KLHL7: variants seen among roughly 807,000 people sequenced by gnomAD.
KLHL7 encodes kelch-like protein 7.
KLHL7 carries 44 observed loss-of-function variants against 67.4 expected under a neutral mutation model. That is an observed-to-expected ratio of 0.65 (90% CI 0.51 to 0.84). The LOEUF is 0.84. Among genes scored for constraint, KLHL7 ranks in the 40% least tolerant of loss-of-function variants. The probability of loss-of-function intolerance (pLI) is 0.00; values close to 1 mark genes in which losing one functional copy is unlikely to be tolerated. For synonymous variants in KLHL7, 252 were observed against 243.3 expected (o/e 1.04, Z -0.33); for missense variants, 362 against 718.1 (o/e 0.50, Z 5.67).
At chr7:23,165,649 A>G in intron 7 of KLHL7, 49 bp from the exon 8 acceptor site, 4 of 1,602,358 alleles carry the variant, frequency 2.5e-6, no homozygotes, top group South Asian at 2.2e-5. Flanking sequence ...TGTCCTTTTC[A>G]GTTATATTTT....
chr7:23,156,561 C>G (rs1347738151), intron 7 of KLHL7, among the ~76,000 whole-genome samples: 3 of 152,172 alleles, frequency 2.0e-5, no homozygotes, highest in Non-Finnish European at 4.4e-5. Flanking sequence ...TGAGCTGGGG[C>G]TTTGTAAGGA....
chr7:23,169,451 T>C (rs1785093033), intron 9 of KLHL7, among the ~76,000 whole-genome samples: 1 of 152,110 alleles, frequency 6.6e-6, no homozygotes, highest in African/African-American at 2.4e-5. Context: ...CCAACTTTGC[T>C]CCCTTTTATG....
chr7:23,147,233 G>A (rs948754380), intron 6 of KLHL7, among the ~76,000 whole-genome samples: 1 of 151,922 alleles, frequency 6.6e-6, no homozygotes, highest in African/African-American at 2.4e-5. Flanking sequence ...GGGATTATGG[G>A]CGTGCGCCAC....
Position 23,148,578 on chromosome 7 carries a change from A to AT in KLHL7, c.794-3485dup, listed in dbSNP as rs201371123. Among the ~76,000 whole-genome samples, 1,370 of 152,246 alleles carry AT rather than the reference A, an allele frequency of 9.0e-3. 20 individuals carry two copies. The highest frequency in any genetic ancestry group is 0.031 in the African/African-American group (1,290 of 41,526). Reference sequence around the variant, plus strand: ...TTACATTAGGACTTTTGTCTCTTAGATTTTGTACATGCTAGTATCAGGTTT... The same window carrying AT: ...TTACATTAGGACTTTTGTCTCTTAGATTTTTGTACATGCTAGTATCAGGTTT... On this transcript the variant is annotated intron_variant, in intron 6 of 10. Coordinates refer to ENST00000339077, the MANE Select transcript of KLHL7 (RefSeq NM_001031710.3).
chr7:23,121,680 CTT>C (rs72158823), intron 1 of KLHL7, among the ~76,000 whole-genome samples: 31 of 134,096 alleles, frequency 2.3e-4, no homozygotes, highest in Admixed American at 3.0e-4. Flanking sequence ...CAGTCCCATC[CTT>C]TTTTTTTTTT....
intron 4 of KLHL7, among the ~76,000 whole-genome samples, chr7:23,134,894 A>C (rs1288253963): frequency 6.6e-6 from 1 of 152,128 alleles, no homozygotes; most frequent in East Asian, 1.9e-4. Flanking sequence ...TTTTCAAAAA[A>C]ACAACTTTTT....
chr7:23,128,179 T>C (rs928996897), intron 4 of KLHL7, among the ~76,000 whole-genome samples: 3 of 150,270 alleles, frequency 2.0e-5, no homozygotes, highest in Non-Finnish European at 3.0e-5. Context: ...TGTAAAAATA[T>C]GGTTTTACAG....
intron 7 of KLHL7, among the ~76,000 whole-genome samples, chr7:23,164,501 T>C (rs930465054): frequency 2.0e-5 from 3 of 152,198 alleles, no homozygotes; most frequent in African/African-American, 7.2e-5. Context: ...TTTCCCCCAG[T>C]TTTTCAAGTG....
chr7:23,128,698 A>G (rs1042884597), intron 4 of KLHL7, among the ~76,000 whole-genome samples: 1 of 151,968 alleles, frequency 6.6e-6, no homozygotes, highest in Non-Finnish European at 1.5e-5. Flanking sequence ...GTGACCCTAC[A>G]GCTAGCAGGT....
chr7:23,169,467 C>T (rs1785094029), intron 9 of KLHL7, among the ~76,000 whole-genome samples: 1 of 151,990 alleles, frequency 6.6e-6, no homozygotes, highest in South Asian at 2.1e-4. Flanking sequence ...TTATGTGAAC[C>T]TCTACCTTAC....
At position 23,174,798 on chromosome 7, in the gene KLHL7, A is replaced by G. The variant is rs1769101666; in HGVS notation, c.*500A>G. On this transcript the variant is annotated 3_prime_UTR_variant, in exon 11 of 11. Coordinates refer to ENST00000339077, the MANE Select transcript of KLHL7 (RefSeq NM_001031710.3). ...TGTCTATTTATTTTATTTAGTGCCA[A>G]ATGTATTCCATTTTAAAAGTAAGCC... 2.2e-6 allele frequency: 1 copy of G among 454,466 alleles called. No homozygotes were observed. Among genetic ancestry groups the G allele is most frequent in the African/African-American group, 2.0e-5 (1 of 50,008 alleles). 28.2% of individuals were successfully genotyped at this position (454,466 alleles called of 1,614,324 possible). A position where few individuals can be genotyped will look rare whatever the true frequency, so the allele number is the denominator to read the frequency against.
chr7:23,155,701 C>T (rs12700418), intron 7 of KLHL7, among the ~76,000 whole-genome samples: 140,289 of 151,628 alleles, frequency 0.93, 65,091 homozygotes, highest in East Asian at 0.99. Flanking sequence ...AAATTGTAAT[C>T]CTAAAAACTA....
chr7:23,166,256 T>G (rs917615107), intron 8 of KLHL7, among the ~76,000 whole-genome samples: 3 of 152,184 alleles, frequency 2.0e-5, no homozygotes, highest in African/African-American at 7.2e-5. Context: ...GATTTCAGAG[T>G]TCAACTTATA....
Position 23,177,756 on chromosome 7 carries a change from G to GA in KLHL7, c.*3465dup, listed in dbSNP as rs375718152. Reference sequence around the variant, plus strand: ...CATCTTAAAAAAATTGTTGCTATTTGAAAAAAACAAAACAAAACATATACT... The same window carrying GA: ...CATCTTAAAAAAATTGTTGCTATTTGAAAAAAAACAAAACAAAACATATACT... On this transcript the variant is annotated 3_prime_UTR_variant, in exon 11 of 11. Transcript: ENST00000339077. 2.5e-4 allele frequency: 38 copies of GA among 151,818 alleles called. No individual in the cohort carries two copies. Among genetic ancestry groups the GA allele is most frequent in the African/African-American group, 7.7e-4 (32 of 41,336 alleles). 9.4% of individuals were successfully genotyped at this position (151,818 alleles called of 1,614,324 possible). A position where few individuals can be genotyped will look rare whatever the true frequency, so the allele number is the denominator to read the frequency against.
rs990456695 is a variant in KLHL7, at chr7:23,106,222, C to A, written c.120+76C>A. ...CGGGCCCCTGGTTCCCGGGGTGGAA[C>A]CCCGCGCCCTGTGGATCGCGCCCCT... is the stretch of plus-strand genomic sequence containing the variant. On this transcript the variant is annotated intron_variant, in intron 1 of 10. Transcript: ENST00000339077. 13 of 1,565,932 alleles carry A rather than the reference C, an allele frequency of 8.3e-6. No homozygotes were observed. In the Admixed American group the frequency reaches 9.5e-5, roughly 12 times the overall value.
At chr7:23,135,331 G>T (rs978811202) in intron 4 of KLHL7, among the ~76,000 whole-genome samples, 14 of 152,110 alleles carry the variant, frequency 9.2e-5, no homozygotes, top group African/African-American at 3.4e-4. Flanking sequence ...AATGTTTTAA[G>T]ACTTGTTTTG....
intron 6 of KLHL7, among the ~76,000 whole-genome samples, chr7:23,146,709 G>T: frequency 6.7e-6 from 1 of 148,754 alleles, no homozygotes; most frequent in African/African-American, 2.5e-5. Flanking sequence ...GAAATCTATT[G>T]GGTGTGAAAT....
intron 7 of KLHL7, among the ~76,000 whole-genome samples, chr7:23,163,102 T>C (rs180983303): frequency 8.1e-4 from 123 of 152,362 alleles, no homozygotes; most frequent in African/African-American, 2.7e-3. Context: ...AATATCACAC[T>C]GATCTTTTGC....
At chr7:23,141,002 A>G (rs2128464429) in intron 5 of KLHL7, 58 bp downstream of exon 5, 9 of 1,410,950 alleles carry the variant, frequency 6.4e-6, no homozygotes, top group South Asian at 2.3e-5. Flanking sequence ...TGGTTTCTTA[A>G]AACTCATGTT....
Sources: gnomAD v4.1 joint callset for allele counts (sites outside exome capture counted in the v4.1 genomes callset) on GRCh38, gnomAD v4.1.1 for gene constraint, MANE v1.5 for transcripts, NCBI Gene and HGNC (gene_info 2026-07-23, HGNC 2026-07-21) for gene names.